CBX2: variants seen among roughly 807,000 people sequenced by gnomAD.
CBX2 encodes the protein chromobox protein homolog 2.
CBX2 carries 11 observed loss-of-function variants against 21.0 expected under a neutral mutation model. That is an observed-to-expected ratio of 0.52 (90% CI 0.33 to 0.87). The LOEUF (loss-of-function observed/expected upper bound fraction) is 0.87, where lower values mean the gene tolerates loss of function less well. Ranked by LOEUF, CBX2 falls within the 40% of genes least tolerant of loss-of-function variation. The probability of loss-of-function intolerance (pLI) is 0.02; values close to 1 mark genes in which losing one functional copy is unlikely to be tolerated. For synonymous variants in CBX2, 364 were observed against 304.6 expected, an observed-to-expected ratio of 1.19 and a Z score of -2.03; for missense variants, 746 against 724.3, an observed-to-expected ratio of 1.03 and a Z score of -0.34.
In CBX2 at chr17:79,779,415, C is replaced by T. The variant is rs782001998; in HGVS notation, c.170C>T (p.Ala57Val). The T allele has an allele frequency of 1.2e-6, 2 of 1,613,310 alleles. No homozygotes were observed. The highest frequency in any genetic ancestry group is 1.7e-5 in the Admixed American group (1 of 59,994). The change falls in exon 3 of 5, where the codon GCC (alanine) becomes GTC (valine). Residue 57 changes from alanine (A) to valine (V), a missense_variant. By Grantham distance (64) the Ala-to-Val change is moderately conservative (BLOSUM62 0). Transcript: ENST00000310942. The part of the protein sequence containing the change: ...ENILDPRLLL[A>V]FQKKEHEKEV... ...ATCCTGGACCCGAGGCTGCTCCTGGCCTTCCAGAAGAAGTGAGGACGCTGA... is the reference window on the plus strand; with the variant it reads ...ATCCTGGACCCGAGGCTGCTCCTGGTCTTCCAGAAGAAGTGAGGACGCTGA...
At position 79,784,177 on chromosome 17, in the gene CBX2, C is replaced by T. The variant is rs781914157; in HGVS notation, c.734C>T (p.Pro245Leu). The stretch of plus-strand genomic sequence containing the variant: ...CTAATGAAGGGCATGGCCAGTAGCC[C>T]CGGCCGGGGTGGCATCAGCTGGCAG... The part of the protein sequence containing the change: ...ASLMKGMASS[P>L]GRGGISWQSS... The change falls in exon 5 of 5, where the codon CCC becomes CTC. Residue 245 changes from proline (P) to leucine (L), a missense_variant. This residue lies in a region of CBX2 where 701 missense variants were observed against 650.7 expected (regional missense o/e 1.08). Coordinates refer to ENST00000310942, the MANE Select transcript of CBX2 (RefSeq NM_005189.3). The surrounding 1 kb of genome is among the most constrained non-coding windows in gnomAD (Gnocchi z 5.9). The T allele has an allele frequency of 3.7e-6, 6 of 1,612,852 alleles. No homozygotes were observed. Among genetic ancestry groups the T allele is most frequent in the Non-Finnish European group, 5.1e-6 (6 of 1,179,954 alleles).
chr17:79,780,770 C>T (rs7217395), intron 3 of CBX2, among the ~76,000 whole-genome samples: 43,416 of 151,988 alleles, frequency 0.29, 6,943 homozygotes, highest in Non-Finnish European at 0.35. Context: ...CCCTTGGCGA[C>T]GCACAGGATC....
intron 3 of CBX2, 78 bp from the exon 4 acceptor site, chr17:79,781,618 C>A: frequency 8.1e-7 from 1 of 1,241,782 alleles, no homozygotes; most frequent in Non-Finnish European, 1.2e-6. Context: ...GAATAGGGTG[C>A]TGGAAGCCAT....
upstream of CBX2, among the ~76,000 whole-genome samples, chr17:79,777,592 T>C (rs1439897769): frequency 6.6e-6 from 1 of 152,150 alleles, no homozygotes; most frequent in Admixed American, 6.5e-5. Context: ...GACTTCGTCT[T>C]CCTTTCCTTC....
rs1338743755 is a variant in CBX2, at chr17:79,786,725, T to C, written c.*1683T>C. On this transcript the variant is annotated 3_prime_UTR_variant, in exon 5 of 5. Transcript: ENST00000310942. ...GGGGCTACATTCCAGTGCCTGACTA[T>C]AGGGAGGCACTCCTGATTCCATGGA... is the stretch of plus-strand genomic sequence containing the variant. 6.6e-6 allele frequency: 1 copy of C among 152,650 alleles called. No individual in the cohort carries two copies. The highest frequency in any genetic ancestry group is 1.5e-5 in the Non-Finnish European group (1 of 68,066). 9.5% of individuals were successfully genotyped at this position (152,650 alleles called of 1,614,324 possible).
chr17:79,781,866 AGAGG>A, intron 4 of CBX2, 65 bp downstream of exon 4: 1 of 1,614,140 alleles, frequency 6.2e-7, no homozygotes, highest in Non-Finnish European at 8.5e-7. Context: ...GGGGGCAGGC[AGAGG>A]GAGGGTTTGG....
chr17:79,783,162 G>A (rs116784091), intron 4 of CBX2, among the ~76,000 whole-genome samples: 108 of 152,316 alleles, frequency 7.1e-4, no homozygotes, highest in African/African-American at 2.5e-3. Context: ...GGGATGTCAT[G>A]GTGTGGACTC....
chr17:79,782,466 T>TG, intron 4 of CBX2: 1 of 1,242,700 alleles, frequency 8.0e-7, no homozygotes. Flanking sequence ...CAGGACAGGA[T>TG]GGGGGAGGAG....
At position 79,784,460 on chromosome 17, in the gene CBX2, G is replaced by A. The variant is rs1488063863; in HGVS notation, c.1017G>A (p.Gly339=). The change falls in exon 5 of 5, where the codon GGG becomes GGA. Residue 339 remains glycine (G), a synonymous_variant. Coordinates refer to ENST00000310942, the MANE Select transcript of CBX2 (RefSeq NM_005189.3). This position sits in a 1 kb window ranked among gnomAD's most constrained non-coding sequence, Gnocchi z 5.9. ...HTHGASRVPA[G]CPGPQPAPTQ... ...ATGGTGCCAGCAGGGTGCCTGCTGGGTGCCCAGGCCCCCAGCCAGCACCCA... is the reference window on the plus strand; with the variant it reads ...ATGGTGCCAGCAGGGTGCCTGCTGGATGCCCAGGCCCCCAGCCAGCACCCA... The A allele has an allele frequency of 3.7e-6, 6 of 1,611,952 alleles. No individual in the cohort carries two copies. Among genetic ancestry groups the A allele is most frequent in the Non-Finnish European group, 5.1e-6 (6 of 1,179,620 alleles).
intron 4 of CBX2, chr17:79,782,553 ACGAG>A (rs1907310782): frequency 9.5e-7 from 1 of 1,049,648 alleles, no homozygotes. Flanking sequence ...TGTTGTGGCC[ACGAG>A]CTCAGTCACT....
chr17:79,781,893 G>T (rs782240532), intron 4 of CBX2, 92 bp downstream of exon 4: 1 of 1,614,218 alleles, frequency 6.2e-7, no homozygotes, highest in Admixed American at 1.7e-5. Flanking sequence ...CCCTCAGGAA[G>T]GGGGTGGCAC....
intron 4 of CBX2, 42 bp downstream of exon 4, chr17:79,781,843 C>T (rs1482087484): frequency 1.9e-6 from 3 of 1,613,968 alleles, no homozygotes; most frequent in African/African-American, 1.3e-5. Context: ...CCTCCCAGCA[C>T]CCCCTTGGCG....
At chr17:79,783,380 GC>G in intron 4 of CBX2, among the ~76,000 whole-genome samples, 1 of 152,104 alleles carries the variant, frequency 6.6e-6, no homozygotes, top group Non-Finnish European at 1.5e-5. Context: ...CTGGGAACAG[GC>G]AGTGGAGGTG....
intron 2 of CBX2, 56 bp from the exon 3 acceptor site, chr17:79,779,306 G>T (rs2145820957): frequency 6.4e-7 from 1 of 1,574,658 alleles, no homozygotes; most frequent in South Asian, 1.1e-5. Flanking sequence ...GGGCTGCCTT[G>T]CAAAGCGGTG....
chr17:79,783,945 C>T lies in CBX2; in HGVS notation c.502C>T (p.Pro168Ser). The change falls in exon 5 of 5, where the codon CCC (proline) becomes TCC (serine). Residue 168 changes from proline (P) to serine (S), a missense_variant. Pro to Ser is a moderately conservative substitution (Grantham distance 74). Around this residue, in one of 2 missense-constraint regions of CBX2, gnomAD observed 701 missense variants for 650.7 expected, o/e 1.08. Coordinates refer to ENST00000310942, the MANE Select transcript of CBX2 (RefSeq NM_005189.3). ...CATCCGGAAGAAGCGGGGACGAAAG[C>T]CCCTGCCCCCAGAGCAAAAGGCAAC... ...DPIRKKRGRK[P>S]LPPEQKATRR... The T allele has an allele frequency of 6.2e-7, 1 of 1,613,966 alleles. No individual in the cohort carries two copies. The highest frequency in any genetic ancestry group is 8.5e-7 in the Non-Finnish European group (1 of 1,180,054).
At position 79,783,952 on chromosome 17, in the gene CBX2, C is replaced by A. The variant is rs1555831005; in HGVS notation, c.509C>A (p.Pro170His). 15 of 1,613,876 alleles carry A rather than the reference C, an allele frequency of 9.3e-6. No individual in the cohort carries two copies. The highest frequency in any genetic ancestry group is 1.3e-5 in the Non-Finnish European group (15 of 1,180,034). ...IRKKRGRKPL[P>H]PEQKATRRPV... is the part of the protein sequence containing the mutation. ...AAGAAGCGGGGACGAAAGCCCCTGC[C>A]CCCAGAGCAAAAGGCAACCCGAAGA... The change falls in exon 5 of 5, where the codon CCC becomes CAC. Residue 170 changes from proline to histidine, a missense_variant. Pro to His is a moderately conservative substitution (Grantham distance 77). Transcript: ENST00000310942.
intron 3 of CBX2, among the ~76,000 whole-genome samples, chr17:79,781,321 C>G (rs1907180979): frequency 6.6e-6 from 1 of 152,252 alleles, no homozygotes; most frequent in East Asian, 1.9e-4. Flanking sequence ...CTTCCTTCTC[C>G]TATTGAAAGT....
chr17:79,780,001 T>C (rs1236623320), intron 3 of CBX2, among the ~76,000 whole-genome samples: 1 of 152,266 alleles, frequency 6.6e-6, no homozygotes, highest in Non-Finnish European at 1.5e-5. Context: ...GCCAGACTTG[T>C]TTCTGTAATT....
rs377482051 is a variant in CBX2 at position 79,779,349 on chromosome 17, C to G, written c.117-13C>G. On this transcript the variant is annotated splice_polypyrimidine_tract_variant and intron_variant, in intron 2 of 4. Transcript: ENST00000310942. Reference sequence around the variant, plus strand: ...GCCTGGCGTCTAATGCTGCCCTGTCCTCTGCTTTGCAGACATAACAGCTGG... The same window carrying G: ...GCCTGGCGTCTAATGCTGCCCTGTCGTCTGCTTTGCAGACATAACAGCTGG... 7.4e-6 allele frequency: 12 copies of G among 1,613,006 alleles called. No individual in the cohort carries two copies. The highest frequency in any genetic ancestry group is 1.0e-5 in the Non-Finnish European group (12 of 1,179,702).
Sources: gnomAD v4.1 joint callset for allele counts (sites outside exome capture counted in the v4.1 genomes callset) on GRCh38, gnomAD v4.1.1 for gene constraint, gnomAD v4.1.1 regional missense constraint, Gnocchi (gnomAD v3.1) non-coding constraint, MANE v1.5 for transcripts, NCBI Gene and HGNC (gene_info 2026-07-23, HGNC 2026-07-21) for gene names.